The following TRIO variants were observed in gnomAD, a reference collection of about 807,000 sequenced individuals.
TRIO encodes triple functional domain protein.
In TRIO, 58 loss-of-function variants were observed where a neutral mutation model predicts 351.9. The ratio of observed to expected loss-of-function variants is 0.16; its 90% confidence interval spans 0.13 to 0.21. TRIO has a LOEUF of 0.21. TRIO is among the 10% of genes least tolerant of loss of function. The probability of loss-of-function intolerance (pLI) is 1.00; values close to 1 mark genes in which losing one functional copy is unlikely to be tolerated. For synonymous variants in TRIO, 1,758 were observed against 1,595.7 expected (o/e 1.10, Z -2.42); for missense variants, 3,201 against 4,027.8 (o/e 0.79, Z 5.56).
intron 37 of TRIO, among the ~76,000 whole-genome samples, chr5:14,470,574 A>G (rs1448379738): frequency 6.6e-6 from 1 of 152,266 alleles, no homozygotes; most frequent in Non-Finnish European, 1.5e-5. Flanking sequence ...GAAGTCACCA[A>G]TATTCAACTT....
At chr5:14,170,911 A>T (rs1789062829) in intron 1 of TRIO, among the ~76,000 whole-genome samples, 2 of 152,228 alleles carry the variant, frequency 1.3e-5, no homozygotes, top group Non-Finnish European at 2.9e-5. Flanking sequence ...ATATAAGTAC[A>T]TATTTGTTTT....
chr5:14,234,578 G>A (rs376448441), intron 1 of TRIO, among the ~76,000 whole-genome samples: 1 of 152,186 alleles, frequency 6.6e-6, no homozygotes, highest in South Asian at 2.1e-4. Context: ...ACTTACAGAA[G>A]CAATATTAAA....
At chr5:14,433,259 G>C (rs1751322714) in intron 34 of TRIO, among the ~76,000 whole-genome samples, 1 of 152,248 alleles carries the variant, frequency 6.6e-6, no homozygotes, top group Non-Finnish European at 1.5e-5. Context: ...TGAAGAGTTT[G>C]AATGCCTCCA....
At chr5:14,239,477 C>G (rs1322488498) in intron 1 of TRIO, among the ~76,000 whole-genome samples, 1 of 152,180 alleles carries the variant, frequency 6.6e-6, no homozygotes, top group East Asian at 1.9e-4. Context: ...CCCACCCTCA[C>G]AAACCCCTAG....
At chr5:14,241,005 G>C (rs1204124964) in intron 1 of TRIO, among the ~76,000 whole-genome samples, 1 of 152,152 alleles carries the variant, frequency 6.6e-6, no homozygotes, top group Non-Finnish European at 1.5e-5. Context: ...TAAAATACTG[G>C]TGAGGTTTTT....
At chr5:14,436,605 C>G (rs1263687104) in intron 34 of TRIO, among the ~76,000 whole-genome samples, 1 of 152,172 alleles carries the variant, frequency 6.6e-6, no homozygotes, top group Non-Finnish European at 1.5e-5. Flanking sequence ...CCTGTAAAAT[C>G]AAAAGCAGGT....
intron 1 of TRIO, among the ~76,000 whole-genome samples, chr5:14,262,626 A>T (rs1254024668): frequency 6.6e-6 from 1 of 152,158 alleles, no homozygotes; most frequent in Non-Finnish European, 1.5e-5. Context: ...ACATGAGGGC[A>T]ATGCTGGCAG....
intron 2 of TRIO, among the ~76,000 whole-genome samples, chr5:14,271,843 T>A (rs1795993854): frequency 1.3e-5 from 2 of 152,248 alleles, no homozygotes; most frequent in African/African-American, 4.8e-5. Context: ...TTTGGACATG[T>A]GATACTGCTA....
At chr5:14,388,510 C>A in intron 23 of TRIO, 103 bp from the exon 24 acceptor site, 1 of 1,138,218 alleles carries the variant, frequency 8.8e-7, no homozygotes, top group Non-Finnish European at 1.3e-6. Context: ...CAATCTAAGA[C>A]TAATACTTTT....
intron 1 of TRIO, among the ~76,000 whole-genome samples, chr5:14,223,035 C>A (rs1284498064): frequency 6.6e-6 from 1 of 152,118 alleles, no homozygotes. Context: ...CTGGGATAGC[C>A]TTTGAGACCT....
chr5:14,372,837 G>A (rs1047527225), intron 18 of TRIO, among the ~76,000 whole-genome samples: 1 of 152,174 alleles, frequency 6.6e-6, no homozygotes, highest in Non-Finnish European at 1.5e-5. Flanking sequence ...GTAGTCTTCA[G>A]CGTCTTCCTT....
At chr5:14,490,859 G>A (rs1295093785) in intron 48 of TRIO, 1 of 456,106 alleles carries the variant, frequency 2.2e-6, no homozygotes, top group Non-Finnish European at 4.4e-6. Flanking sequence ...ATTTAGCTTT[G>A]TAATCTCAGT....
chr5:14,482,728 G>C lies in TRIO; in HGVS notation c.6612G>C (p.Lys2204Asn). ...IVIFSEPLDK[K>N]KGFSMPGFLF... ...TATTCAGCGAACCACTTGATAAAAA[G>C]AAGGGCTTCTCCATGCCGGGATTCC... The change falls in exon 46 of 57, where the codon AAG (lysine) becomes AAC (asparagine). Residue 2204 changes from lysine to asparagine, a missense_variant. Lys to Asn is a moderately conservative substitution (Grantham distance 94, BLOSUM62 0). Transcript: ENST00000344204. 2 of 1,609,622 alleles carry C rather than the reference G, an allele frequency of 1.2e-6. No individual in the cohort carries two copies. Among genetic ancestry groups the C allele is most frequent in the South Asian group, 2.2e-5 (2 of 90,504 alleles).
Position 14,445,059 on chromosome 5 carries a change from T to G in TRIO, c.5204-15960T>G, listed in dbSNP as rs939998223. Among the ~76,000 whole-genome samples, 9 of 152,318 alleles carry G rather than the reference T, an allele frequency of 5.9e-5. No individual in the cohort carries two copies. The South Asian group carries it at 8.3e-4, about 14-fold the overall frequency. On this transcript the variant is annotated intron_variant, in intron 34 of 56. Coordinates refer to ENST00000344204, the MANE Select transcript of TRIO (RefSeq NM_007118.4). ...TCTAAGTATATCTCTTCACTAGATT[T>G]TGGGGGAACACAAATTTATAGTTTT...
intron 41 of TRIO, chr5:14,477,239 C>A: frequency 3.2e-6 from 1 of 309,798 alleles, no homozygotes; most frequent in Non-Finnish European, 5.9e-6. Context: ...TCTGGGGTGT[C>A]TGTGAACAGG....
intron 31 of TRIO, 106 bp downstream of exon 31, chr5:14,401,170 T>C (rs1000596945): frequency 2.4e-6 from 2 of 823,930 alleles, no homozygotes; most frequent in Admixed American, 5.5e-5. Context: ...TGTTGTTGTT[T>C]GTGTGTGTGT....
chr5:14,393,299 G>A (rs987621217), intron 27 of TRIO, among the ~76,000 whole-genome samples: 2 of 152,078 alleles, frequency 1.3e-5, no homozygotes, highest in Non-Finnish European at 2.9e-5. Flanking sequence ...TGTACACAAC[G>A]GGTTGATGGG....
At chr5:14,505,320 G>GACA (rs1264718606) in intron 55 of TRIO, among the ~76,000 whole-genome samples, 1 of 152,266 alleles carries the variant, frequency 6.6e-6, no homozygotes, top group African/African-American at 2.4e-5. Context: ...GCAAGGCAGG[G>GACA]ACAACCCCCA....
chr5:14,268,400 A>T (rs563424784), intron 1 of TRIO, among the ~76,000 whole-genome samples: 1 of 152,174 alleles, frequency 6.6e-6, no homozygotes, highest in Non-Finnish European at 1.5e-5. Context: ...ACAGCTCTCT[A>T]TTGGGATATC....
Sources: gnomAD v4.1 joint callset for allele counts (sites outside exome capture counted in the v4.1 genomes callset) on GRCh38, gnomAD v4.1.1 for gene constraint, MANE v1.5 for transcripts, NCBI Gene and HGNC (gene_info 2026-07-23, HGNC 2026-07-21) for gene names.